The following AGBL4 variants were observed in gnomAD, a reference collection of about 807,000 sequenced individuals.
AGBL4 encodes the protein AGBL carboxypeptidase 4.
A neutral mutation model predicts 66.4 loss-of-function variants in AGBL4; 58 were observed. The ratio of observed to expected loss-of-function variants is 0.87; its 90% CI spans 0.71 to 1.09. AGBL4 has a LOEUF of 1.09. Among genes scored for constraint, AGBL4 ranks in the 50% least tolerant of loss-of-function variants. The pLI is 0.00. For synonymous variants in AGBL4, 234 were observed against 222.9 expected (o/e 1.05, Z -0.44); for missense variants, 579 against 631.0 (o/e 0.92, Z 0.88).
At chr1:49,963,577 C>A (rs1253165824) in intron 1 of AGBL4, among the ~76,000 whole-genome samples, 1 of 152,114 alleles carries the variant, frequency 6.6e-6, no homozygotes, top group Non-Finnish European at 1.5e-5. Flanking sequence ...ACCTCAGGAC[C>A]AAAGTCAGGG....
At chr1:49,368,745 G>T (rs1644286845) in intron 3 of AGBL4, among the ~76,000 whole-genome samples, 1 of 152,102 alleles carries the variant, frequency 6.6e-6, no homozygotes, top group Non-Finnish European at 1.5e-5. Context: ...ATTTTCACAG[G>T]TAGTATTATA....
At chr1:49,672,722 A>G (rs1646501733) in intron 3 of AGBL4, among the ~76,000 whole-genome samples, 1 of 151,870 alleles carries the variant, frequency 6.6e-6, no homozygotes, top group Non-Finnish European at 1.5e-5. Context: ...GGAGTTCAAG[A>G]CCAGCCCGGC....
intron 4 of AGBL4, among the ~76,000 whole-genome samples, chr1:49,067,870 T>A (rs974835493): frequency 2.6e-5 from 4 of 152,118 alleles, no homozygotes; most frequent in African/African-American, 9.6e-5. Context: ...ACTCATCATT[T>A]ACATTAGGTA....
chr1:49,240,161 C>G (rs868715942), intron 4 of AGBL4, among the ~76,000 whole-genome samples: 8 of 152,116 alleles, frequency 5.3e-5, no homozygotes, highest in Non-Finnish European at 1.5e-5. Flanking sequence ...TTAAGACTTA[C>G]AGAAAGTATG....
At chr1:48,900,121 T>A (rs2148867622) in intron 5 of AGBL4, among the ~76,000 whole-genome samples, 1 of 151,912 alleles carries the variant, frequency 6.6e-6, no homozygotes, top group East Asian at 1.9e-4. Context: ...GGCTCTGAGG[T>A]AAAAGGGAGC....
chr1:49,178,507 C>T (rs2148180860), intron 4 of AGBL4, among the ~76,000 whole-genome samples: 1 of 152,264 alleles, frequency 6.6e-6, no homozygotes, highest in Admixed American at 6.5e-5. Flanking sequence ...GTAATTATGA[C>T]AACTCTGTGT....
intron 3 of AGBL4, among the ~76,000 whole-genome samples, chr1:49,609,077 A>G (rs1645109280): frequency 6.6e-6 from 1 of 152,122 alleles, no homozygotes; most frequent in African/African-American, 2.4e-5. Flanking sequence ...GCTACATTAC[A>G]TTGTCTTTCA....
intron 1 of AGBL4, among the ~76,000 whole-genome samples, chr1:49,923,792 A>G (rs1426948467): frequency 1.3e-5 from 2 of 152,306 alleles, no homozygotes; most frequent in South Asian, 2.1e-4. Flanking sequence ...CAGAATAGCT[A>G]TTATTAAAAA....
chr1:48,812,688 C>CTTGG, intron 6 of AGBL4, among the ~76,000 whole-genome samples: 1 of 151,880 alleles, frequency 6.6e-6, no homozygotes, highest in Non-Finnish European at 1.5e-5. Context: ...CTATTCACAA[C>CTTGG]AGCAAAGACT....
chr1:49,086,186 C>G (rs1359228783), intron 4 of AGBL4, among the ~76,000 whole-genome samples: 2 of 151,964 alleles, frequency 1.3e-5, no homozygotes, highest in East Asian at 3.9e-4. Context: ...ACTGGTCCTA[C>G]TTCTATGTGA....
chr1:48,841,135 T>C (rs1213736303), intron 6 of AGBL4, among the ~76,000 whole-genome samples: 2 of 152,070 alleles, frequency 1.3e-5, no homozygotes, highest in African/African-American at 2.4e-5. Context: ...CTACCAGAGG[T>C]AGCACAAGGG....
chr1:49,141,603 T>C (rs917355167), intron 4 of AGBL4, among the ~76,000 whole-genome samples: 1 of 151,824 alleles, frequency 6.6e-6, no homozygotes, highest in Non-Finnish European at 1.5e-5. Context: ...AGAGGCTAGA[T>C]ATAAGAAAAC....
intron 4 of AGBL4, among the ~76,000 whole-genome samples, chr1:49,118,176 A>T (rs1287208750): frequency 6.6e-6 from 1 of 152,158 alleles, no homozygotes; most frequent in African/African-American, 2.4e-5. Context: ...GGACAATTTG[A>T]CTTCCTCTTT....
intron 1 of AGBL4, among the ~76,000 whole-genome samples, chr1:49,922,964 A>G (rs1652408444): frequency 6.6e-6 from 1 of 152,132 alleles, no homozygotes; most frequent in East Asian, 1.9e-4. Flanking sequence ...TAGAAAAAAA[A>G]CTTTTTAAAA....
At chr1:49,701,802 A>G (rs1331590604) in intron 2 of AGBL4, among the ~76,000 whole-genome samples, 1 of 152,164 alleles carries the variant, frequency 6.6e-6, no homozygotes, top group Admixed American at 6.5e-5. Context: ...CAGAGGACAT[A>G]CTATAACCAA....
At chr1:49,226,254 AT>A (rs1224904517) in intron 4 of AGBL4, among the ~76,000 whole-genome samples, 1 of 152,244 alleles carries the variant, frequency 6.6e-6, no homozygotes, top group Non-Finnish European at 1.5e-5. Flanking sequence ...ATCCTGAAAA[AT>A]AAGTGTGTGC....
At chr1:48,591,453 C>T (rs1263269031) in intron 9 of AGBL4, among the ~76,000 whole-genome samples, 1 of 152,268 alleles carries the variant, frequency 6.6e-6, no homozygotes, top group Admixed American at 6.5e-5. Flanking sequence ...CCATTTCTAG[C>T]TGGGAAGCTT....
At chr1:49,308,068 G>T (rs1412942571) in intron 3 of AGBL4, among the ~76,000 whole-genome samples, 1 of 152,002 alleles carries the variant, frequency 6.6e-6, no homozygotes, top group Non-Finnish European at 1.5e-5. Flanking sequence ...GCTCTCTCTT[G>T]CCCCTGCTCC....
intron 7 of AGBL4, among the ~76,000 whole-genome samples, chr1:48,658,361 T>C (rs1028810624): frequency 6.6e-6 from 1 of 152,246 alleles, no homozygotes; most frequent in Admixed American, 6.5e-5. Context: ...TCCTCTGTAG[T>C]GGGAAGGGCC....
Sources: gnomAD v4.1 joint callset for allele counts (sites outside exome capture counted in the v4.1 genomes callset) on GRCh38, gnomAD v4.1.1 for gene constraint, MANE v1.5 for transcripts, NCBI Gene and HGNC (gene_info 2026-07-23, HGNC 2026-07-21) for gene names.